Variants in CACUL1 observed in about 807,000 individuals in gnomAD.
CACUL1 encodes the protein CDK2-associated and cullin domain-containing protein 1.
In CACUL1, 13 loss-of-function variants were observed where a neutral mutation model predicts 45.2. The ratio of observed to expected loss-of-function variants is 0.29; its 90% confidence interval spans 0.19 to 0.46. The LOEUF is 0.46. CACUL1 is among the 20% of genes least tolerant of loss of function. The pLI, the probability that CACUL1 is intolerant of heterozygous loss-of-function variation, is 1.00. For missense variants in CACUL1, 421 were observed against 471.4 expected (o/e 0.89, Z 0.99); for synonymous variants, 197 against 174.2 (o/e 1.13, Z -1.03).
intron 3 of CACUL1, among the ~76,000 whole-genome samples, chr10:118,721,416 T>C (rs1845598952): frequency 6.6e-6 from 1 of 152,238 alleles, no homozygotes; most frequent in African/African-American, 2.4e-5. Context: ...ACTTACTTAT[T>C]TTGCTTAAAA....
intron 4 of CACUL1, among the ~76,000 whole-genome samples, chr10:118,702,742 C>T (rs1316041773): frequency 3.3e-5 from 5 of 151,966 alleles, no homozygotes; most frequent in African/African-American, 1.2e-4. Flanking sequence ...CCACCACACC[C>T]GGCTAATTTT....
intron 3 of CACUL1, among the ~76,000 whole-genome samples, chr10:118,720,379 A>C (rs950545734): frequency 3.9e-5 from 6 of 152,240 alleles, no homozygotes; most frequent in African/African-American, 1.4e-4. Flanking sequence ...TGTAACACTT[A>C]GCAAACAGTA....
In CACUL1 at chr10:118,682,149, T is replaced by C. The variant is rs1241043927; in HGVS notation, c.*3979A>G. ...TAAAAGGCCTAGACTTGGATTAAAG[T>C]AAACGTAATATTCCAAGCTAAAAGA... is the stretch of plus-strand genomic sequence containing the variant. On this transcript the variant is annotated 3_prime_UTR_variant, in exon 9 of 9. Coordinates refer to ENST00000369151, the MANE Select transcript of CACUL1 (RefSeq NM_153810.5). 1 of 152,286 alleles carries C rather than the reference T, an allele frequency of 6.6e-6. No homozygotes were observed. The allele number at this position is 152,286 out of a possible 1,614,324, so 9.4% of individuals were successfully genotyped here. A position where few individuals can be genotyped will look rare whatever the true frequency, so the allele number is the denominator to read the frequency against.
chr10:118,695,704 G>A (rs1331455900), intron 5 of CACUL1, among the ~76,000 whole-genome samples: 1 of 152,184 alleles, frequency 6.6e-6, no homozygotes, highest in Non-Finnish European at 1.5e-5. Context: ...CAAGAGCTAA[G>A]GGCAAGGGAT....
intron 1 of CACUL1, among the ~76,000 whole-genome samples, chr10:118,748,261 G>A (rs1272293161): frequency 6.6e-6 from 1 of 152,122 alleles, no homozygotes; most frequent in African/African-American, 2.4e-5. Flanking sequence ...GGGCCATTCT[G>A]TACCTGGTAA....
chr10:118,751,470 T>C (rs999795364), intron 1 of CACUL1, among the ~76,000 whole-genome samples: 1 of 152,226 alleles, frequency 6.6e-6, no homozygotes, highest in African/African-American at 2.4e-5. Context: ...ATATGACTCC[T>C]TTCTCCAGTG....
intron 1 of CACUL1, among the ~76,000 whole-genome samples, chr10:118,735,988 T>C (rs915530315): frequency 6.6e-6 from 1 of 152,166 alleles, no homozygotes; most frequent in Non-Finnish European, 1.5e-5. Flanking sequence ...TGATGACTTT[T>C]TGTCACTAGA....
At chr10:118,747,077 C>T (rs541298977) in intron 1 of CACUL1, among the ~76,000 whole-genome samples, 13 of 152,092 alleles carry the variant, frequency 8.5e-5, no homozygotes, top group East Asian at 1.9e-4. Flanking sequence ...ATCTAGGTTG[C>T]GCACTCCTTA....
chr10:118,725,383 AT>A (rs1189821368), intron 3 of CACUL1, among the ~76,000 whole-genome samples: 1 of 152,160 alleles, frequency 6.6e-6, no homozygotes, highest in Non-Finnish European at 1.5e-5. Context: ...CCGGAGGATC[AT>A]TTGAGCCCAG....
intron 3 of CACUL1, among the ~76,000 whole-genome samples, chr10:118,709,889 C>CT (rs1046960625): frequency 1.3e-5 from 2 of 151,704 alleles, no homozygotes; most frequent in African/African-American, 2.4e-5. Flanking sequence ...ATTTACATTT[C>CT]TTTTTTTTAA....
In CACUL1 at chr10:118,744,801, G is replaced by A. The variant is rs556002279; in HGVS notation, c.367+9595C>T. Among the ~76,000 whole-genome samples, 11 of 151,962 alleles carry A rather than the reference G, an allele frequency of 7.2e-5. No individual in the cohort carries two copies. The East Asian group carries it at 7.8e-4, about 11-fold the overall frequency. On this transcript the variant is annotated intron_variant, in intron 1 of 8. Coordinates refer to ENST00000369151, the MANE Select transcript of CACUL1 (RefSeq NM_153810.5). ...CTCCTGAGTAGCTGGGATTATAGGC[G>A]CACACCACTACACCTGGCTAATTTT...
At chr10:118,714,200 G>T (rs1845520003) in intron 3 of CACUL1, among the ~76,000 whole-genome samples, 1 of 152,144 alleles carries the variant, frequency 6.6e-6, no homozygotes, top group Non-Finnish European at 1.5e-5. Context: ...AACGATCAAT[G>T]AATGTTTTGT....
At chr10:118,706,873 A>G (rs1845437240) in intron 4 of CACUL1, among the ~76,000 whole-genome samples, 1 of 152,240 alleles carries the variant, frequency 6.6e-6, no homozygotes, top group African/African-American at 2.4e-5. Flanking sequence ...ACATACAGCA[A>G]GCTACATGCT....
chr10:118,716,210 C>A (rs1180356879), intron 3 of CACUL1, among the ~76,000 whole-genome samples: 7 of 147,562 alleles, frequency 4.7e-5, no homozygotes, highest in Non-Finnish European at 8.9e-5. Context: ...CCAGCCTGGG[C>A]GACAGAGCAA....
intron 1 of CACUL1, among the ~76,000 whole-genome samples, chr10:118,735,337 T>C (rs2119653583): frequency 6.6e-6 from 1 of 152,330 alleles, no homozygotes; most frequent in Admixed American, 6.5e-5. Flanking sequence ...TATGAATTCA[T>C]ACTTGGTCTA....
chr10:118,705,721 A>C (rs1845426648), intron 4 of CACUL1, among the ~76,000 whole-genome samples: 1 of 152,200 alleles, frequency 6.6e-6, no homozygotes, highest in East Asian at 1.9e-4. Context: ...CAAAGACACT[A>C]ATTTTGACAA....
At chr10:118,730,513 A>G (rs1183520225) in intron 1 of CACUL1, 103 bp from the exon 2 acceptor site, 1 of 1,100,262 alleles carries the variant, frequency 9.1e-7, no homozygotes, top group Non-Finnish European at 1.3e-6. Flanking sequence ...TACTCTTCTG[A>G]TTTTACACTG....
In CACUL1 at chr10:118,683,871, A is replaced by C. The variant is rs1356230551; in HGVS notation, c.*2257T>G. ...ACTTAAACAGGTCCTTCAAACTGTGATGTGCCTCAAGGGGCCAAGATGATT... is the reference window on the plus strand; with the variant it reads ...ACTTAAACAGGTCCTTCAAACTGTGCTGTGCCTCAAGGGGCCAAGATGATT... On this transcript the variant is annotated 3_prime_UTR_variant, in exon 9 of 9. Coordinates refer to ENST00000369151, the MANE Select transcript of CACUL1 (RefSeq NM_153810.5). The C allele has an allele frequency of 1.3e-5, 2 of 152,202 alleles. No individual in the cohort carries two copies. Among genetic ancestry groups the C allele is most frequent in the East Asian group, 3.9e-4 (2 of 5,194 alleles). 9.4% of individuals were successfully genotyped at this position (152,202 alleles called of 1,614,324 possible).
intron 1 of CACUL1, among the ~76,000 whole-genome samples, chr10:118,749,079 GCT>G (rs558894663): frequency 2.6e-3 from 400 of 152,258 alleles, no homozygotes; most frequent in Middle Eastern, 0.01. Context: ...CCTGAACTGT[GCT>G]CTGAGAAGGT....
Sources: gnomAD v4.1 joint callset for allele counts (sites outside exome capture counted in the v4.1 genomes callset) on GRCh38, gnomAD v4.1.1 for gene constraint, MANE v1.5 for transcripts, NCBI Gene and HGNC (gene_info 2026-07-23, HGNC 2026-07-21) for gene names.